CCDC171: variants seen among roughly 807,000 people sequenced by gnomAD.
CCDC171 encodes the protein coiled-coil domain-containing protein 171.
In CCDC171, 177 loss-of-function variants were observed where a neutral mutation model predicts 168.2. The observed-to-expected ratio is 1.05, with a 90% CI of 0.93 to 1.19. The LOEUF (loss-of-function observed/expected upper bound fraction) is 1.19, where lower values mean the gene tolerates loss of function less well. CCDC171 is among the 50% of genes most tolerant of loss of function. The pLI is 0.00. For missense variants in CCDC171, 1,991 were observed against 1,539.0 expected (o/e 1.29, Z -4.91); for synonymous variants, 687 against 540.8 (o/e 1.27, Z -3.75).
intron 6 of CCDC171, among the ~76,000 whole-genome samples, chr9:16,030,585 T>C (rs1177928822): frequency 6.6e-6 from 1 of 152,200 alleles, no homozygotes; most frequent in East Asian, 1.9e-4. Context: ...TATGGTATGT[T>C]AAGGACAAAG....
intron 21 of CCDC171, among the ~76,000 whole-genome samples, chr9:15,823,958 C>G (rs539871082): frequency 1.3e-5 from 2 of 152,008 alleles, no homozygotes; most frequent in African/African-American, 2.4e-5. Flanking sequence ...ATTCTTGTTT[C>G]TTGTCATATG....
At chr9:15,579,129 A>G (rs2040917088) in intron 4 of CCDC171, 106 bp downstream of exon 4, 4 of 853,144 alleles carry the variant, frequency 4.7e-6, no homozygotes, top group Admixed American at 3.4e-5. Flanking sequence ...TAAGATTCTG[A>G]TTCGTTGACT....
intron 10 of CCDC171, among the ~76,000 whole-genome samples, chr9:15,687,535 C>G (rs1174415126): frequency 2.0e-5 from 3 of 151,498 alleles, no homozygotes; most frequent in Non-Finnish European, 4.4e-5. Flanking sequence ...ACAGTAAAGA[C>G]TAACAAGGAA....
the CCDC171 span, among the ~76,000 whole-genome samples, chr9:16,103,720 G>A: frequency 6.6e-6 from 1 of 152,164 alleles, no homozygotes; most frequent in African/African-American, 2.4e-5. Context: ...AAACAGATCC[G>A]AGGTCTCTGC....
intron 6 of CCDC171, among the ~76,000 whole-genome samples, chr9:16,025,309 A>G (rs1485097240): frequency 6.6e-6 from 1 of 152,054 alleles, no homozygotes; most frequent in African/African-American, 2.4e-5. Flanking sequence ...TGATGTGGTC[A>G]TGTGCGCCTG....
intron 21 of CCDC171, among the ~76,000 whole-genome samples, chr9:15,843,458 T>A (rs189542245): frequency 6.6e-6 from 1 of 152,210 alleles, no homozygotes; most frequent in Admixed American, 6.5e-5. Flanking sequence ...GCTTTGAATT[T>A]TTTTTTCTTG....
chr9:15,863,078 C>G (rs2061626859), intron 23 of CCDC171, among the ~76,000 whole-genome samples: 1 of 151,798 alleles, frequency 6.6e-6, no homozygotes, highest in African/African-American at 2.4e-5. Flanking sequence ...CTCTGTGGAT[C>G]TAGTGTATGT....
At chr9:15,863,433 C>G (rs914989416) in intron 23 of CCDC171, among the ~76,000 whole-genome samples, 81 of 152,032 alleles carry the variant, frequency 5.3e-4, no homozygotes, top group African/African-American at 1.9e-3. Flanking sequence ...ATTCCACCAT[C>G]TGGCTGCTAT....
intron 24 of CCDC171, among the ~76,000 whole-genome samples, chr9:15,908,131 T>A (rs563261759): frequency 6.6e-6 from 1 of 151,564 alleles, no homozygotes; most frequent in Admixed American, 6.6e-5. Context: ...GAAATACCAT[T>A]TGACCCAGCC....
chr9:15,900,642 A>G (rs574578867), intron 24 of CCDC171, among the ~76,000 whole-genome samples: 53 of 152,358 alleles, frequency 3.5e-4, no homozygotes, highest in African/African-American at 1.2e-3. Flanking sequence ...ACAGATTTCA[A>G]TACCCTAGAG....
At chr9:15,793,292 C>G (rs1311350771) in intron 21 of CCDC171, among the ~76,000 whole-genome samples, 1 of 151,940 alleles carries the variant, frequency 6.6e-6, no homozygotes, top group Non-Finnish European at 1.5e-5. Flanking sequence ...AATATATATG[C>G]ACCCAATACA....
At chr9:15,578,769 T>A in intron 3 of CCDC171, 80 bp from the exon 4 acceptor site, 1 of 1,171,344 alleles carries the variant, frequency 8.5e-7, no homozygotes, top group Non-Finnish European at 1.2e-6. Context: ...TGGAAACAAG[T>A]TTCTCTAAGA....
At chr9:15,987,373 C>T (rs947654938) in intron 3 of CCDC171, among the ~76,000 whole-genome samples, 72 of 152,086 alleles carry the variant, frequency 4.7e-4, no homozygotes, top group African/African-American at 1.4e-3. Flanking sequence ...CCTCATGACA[C>T]AACTTACCCA....
intron 1 of CCDC171, among the ~76,000 whole-genome samples, chr9:16,046,419 T>C (rs1328298): frequency 0.41 from 62,731 of 151,976 alleles, 14,443 homozygotes; most frequent in East Asian, 0.74. Flanking sequence ...TTTTCTTCCA[T>C]GTGCCACTGA....
At chr9:15,971,261 A>G (rs571402573) in intron 25 of CCDC171, among the ~76,000 whole-genome samples, 13 of 152,166 alleles carry the variant, frequency 8.5e-5, no homozygotes, top group Admixed American at 1.3e-4. Context: ...AATAAATGCT[A>G]TTAGCATCGG....
chr9:15,586,130 C>G (rs1378067378), intron 4 of CCDC171, among the ~76,000 whole-genome samples: 1 of 152,080 alleles, frequency 6.6e-6, no homozygotes. Context: ...CTGATGTTTG[C>G]AACTTGCTTT....
At chr9:16,026,651 C>G (rs1420526380) in intron 6 of CCDC171, among the ~76,000 whole-genome samples, 1 of 152,180 alleles carries the variant, frequency 6.6e-6, no homozygotes, top group Non-Finnish European at 1.5e-5. Flanking sequence ...AAGGACATTT[C>G]TCTGCCCCAA....
intron 21 of CCDC171, among the ~76,000 whole-genome samples, chr9:15,790,662 G>C (rs1397727976): frequency 6.6e-6 from 1 of 152,128 alleles, no homozygotes; most frequent in African/African-American, 2.4e-5. Flanking sequence ...TAGACATGAA[G>C]TCCTTGCCCA....
At chr9:15,991,997 G>A (rs981441299) in intron 3 of CCDC171, among the ~76,000 whole-genome samples, 1 of 152,118 alleles carries the variant, frequency 6.6e-6, no homozygotes, top group African/African-American at 2.4e-5. Context: ...TTCTACCAGA[G>A]GTACAAGGAG....
Sources: gnomAD v4.1 joint callset for allele counts (sites outside exome capture counted in the v4.1 genomes callset) on GRCh38, gnomAD v4.1.1 for gene constraint, MANE v1.5 for transcripts, NCBI Gene and HGNC (gene_info 2026-07-23, HGNC 2026-07-21) for gene names.